TMEM232: variants seen among roughly 807,000 people sequenced by gnomAD.
The protein encoded by TMEM232 is transmembrane protein 232.
In TMEM232, 80 loss-of-function variants were observed where a neutral mutation model predicts 78.8. That is an observed-to-expected ratio of 1.01 (90% CI 0.85 to 1.22). TMEM232 has a LOEUF of 1.22. Among genes scored for constraint, TMEM232 ranks in the 50% most tolerant of loss-of-function variants. TMEM232 has a pLI of 0.00. For synonymous variants in TMEM232, 297 were observed against 254.3 expected (o/e 1.17, Z -1.60); for missense variants, 881 against 742.2 (o/e 1.19, Z -2.17).
At chr5:110,440,650 G>A (rs1758927944) in intron 12 of TMEM232, among the ~76,000 whole-genome samples, 1 of 152,014 alleles carries the variant, frequency 6.6e-6, no homozygotes, top group African/African-American at 2.4e-5. Context: ...TGTATGAAAT[G>A]TTTTCTATTT....
intron 1 of TMEM232, among the ~76,000 whole-genome samples, chr5:110,693,049 C>A (rs1300306000): frequency 6.6e-5 from 10 of 152,088 alleles, no homozygotes; most frequent in Non-Finnish European, 7.4e-5. Context: ...CTGGGAAGCA[C>A]CCCCCAGTAG....
chr5:110,447,097 A>G (rs1414285740), intron 12 of TMEM232, among the ~76,000 whole-genome samples: 1 of 151,256 alleles, frequency 6.6e-6, no homozygotes, highest in Non-Finnish European at 1.5e-5. Flanking sequence ...ATTTTGCCAT[A>G]TATACACATA....
At chr5:110,431,122 G>C (rs1757790139) in intron 12 of TMEM232, among the ~76,000 whole-genome samples, 1 of 151,506 alleles carries the variant, frequency 6.6e-6, no homozygotes, top group Admixed American at 6.6e-5. Context: ...GAAGGATCAA[G>C]CTCAAGAGAA....
intron 1 of TMEM232, among the ~76,000 whole-genome samples, chr5:110,681,554 G>A (rs149681622): frequency 5.3e-4 from 81 of 152,306 alleles, no homozygotes; most frequent in African/African-American, 1.5e-3. Context: ...AGTTGAATGC[G>A]TGAGAGAGAT....
At chr5:110,399,506 T>C (rs1212102476) in intron 2 of TMEM232, among the ~76,000 whole-genome samples, 1 of 152,114 alleles carries the variant, frequency 6.6e-6, no homozygotes. Flanking sequence ...ATTTCTTTTT[T>C]TAAAAGGCCT....
chr5:110,727,940 C>T (rs928766437), upstream of TMEM232, among the ~76,000 whole-genome samples: 13 of 152,120 alleles, frequency 8.5e-5, no homozygotes, highest in African/African-American at 3.1e-4. Flanking sequence ...AATGAAAAGA[C>T]TGTGGTATTT....
At chr5:110,419,211 G>T (rs940940801), downstream of TMEM232, among the ~76,000 whole-genome samples, 2 of 151,972 alleles carry the variant, frequency 1.3e-5, no homozygotes, top group Non-Finnish European at 2.9e-5. Flanking sequence ...AAAGATGGAG[G>T]AAGGTATTTG....
chr5:110,498,915 A>G (rs1050588622), intron 12 of TMEM232, among the ~76,000 whole-genome samples: 1 of 152,208 alleles, frequency 6.6e-6, no homozygotes, highest in East Asian at 1.9e-4. Context: ...AGCTATAACT[A>G]AAGTCATAAC....
chr5:110,577,820 T>C (rs1777737952), intron 10 of TMEM232, among the ~76,000 whole-genome samples: 1 of 152,004 alleles, frequency 6.6e-6, no homozygotes, highest in Non-Finnish European at 1.5e-5. Flanking sequence ...AGCTAAATGA[T>C]GACAACACAT....
At chr5:110,694,272 C>A (rs1461926020) in intron 1 of TMEM232, among the ~76,000 whole-genome samples, 1 of 152,100 alleles carries the variant, frequency 6.6e-6, no homozygotes, top group Non-Finnish European at 1.5e-5. Context: ...TCTGTCACCA[C>A]CAGGCCTGCC....
intron 1 of TMEM232, among the ~76,000 whole-genome samples, chr5:110,709,230 TA>T (rs960560098): frequency 1.1e-4 from 16 of 152,042 alleles, no homozygotes; most frequent in African/African-American, 3.9e-4. Flanking sequence ...CACAGATACA[TA>T]AGGCAAATGT....
At chr5:110,716,308 T>A (rs144347357) in intron 1 of TMEM232, among the ~76,000 whole-genome samples, 1 of 152,186 alleles carries the variant, frequency 6.6e-6, no homozygotes, top group Non-Finnish European at 1.5e-5. Flanking sequence ...TATTTTCAGA[T>A]GATTCAAGTG....
intron 11 of TMEM232, among the ~76,000 whole-genome samples, chr5:110,557,841 T>C (rs1296233910): frequency 6.6e-6 from 1 of 152,150 alleles, no homozygotes; most frequent in Non-Finnish European, 1.5e-5. Context: ...GGTGAGGACA[T>C]AGATCCAAAC....
At chr5:110,417,016 A>G (rs1756242551), downstream of TMEM232, among the ~76,000 whole-genome samples, 1 of 151,962 alleles carries the variant, frequency 6.6e-6, no homozygotes, top group African/African-American at 2.4e-5. Context: ...TTAAAACCTT[A>G]AAAGTTTTAT....
intron 13 of TMEM232, among the ~76,000 whole-genome samples, chr5:110,421,417 AT>A (rs1413997306): frequency 2.2e-4 from 33 of 149,794 alleles, no homozygotes; most frequent in East Asian, 2.1e-3. Context: ...ATCATGAAAA[AT>A]ATATATATAT....
intron 1 of TMEM232, among the ~76,000 whole-genome samples, chr5:110,699,910 T>C (rs1263063744): frequency 6.6e-6 from 1 of 152,072 alleles, no homozygotes; most frequent in East Asian, 1.9e-4. Context: ...AGTTTCCTGA[T>C]CCTACCCAAG....
At chr5:110,529,065 T>A (rs965663245) in intron 11 of TMEM232, among the ~76,000 whole-genome samples, 2 of 152,240 alleles carry the variant, frequency 1.3e-5, no homozygotes, top group Non-Finnish European at 2.9e-5. Context: ...TCTTGAAATT[T>A]TGAAAATTTA....
chr5:110,497,000 A>G (rs1257642546), intron 12 of TMEM232, among the ~76,000 whole-genome samples: 2 of 151,980 alleles, frequency 1.3e-5, no homozygotes, highest in Non-Finnish European at 2.9e-5. Flanking sequence ...GGATCTGGTG[A>G]TTTACTTTCT....
intron 11 of TMEM232, among the ~76,000 whole-genome samples, chr5:110,562,969 G>A (rs1775922830): frequency 6.6e-6 from 1 of 151,924 alleles, no homozygotes; most frequent in South Asian, 2.1e-4. Flanking sequence ...TAGATATAGA[G>A]TTAACTGTGT....
Sources: allele counts gnomAD v4.1 joint callset (sites outside exome capture counted in the v4.1 genomes callset), GRCh38; gene constraint gnomAD v4.1.1; transcripts MANE v1.5; gene names NCBI Gene and HGNC (gene_info 2026-07-23, HGNC 2026-07-21).